Variants in STK3 observed in about 807,000 individuals in gnomAD.
STK3 encodes serine/threonine-protein kinase 3.
STK3 carries 41 observed loss-of-function variants against 58.0 expected under a neutral mutation model. The ratio of observed to expected loss-of-function variants is 0.71; its 90% confidence interval spans 0.55 to 0.92. The LOEUF is 0.92. STK3 is among the 40% of genes least tolerant of loss of function. The probability of loss-of-function intolerance (pLI) is 0.00; values close to 1 mark genes in which losing one functional copy is unlikely to be tolerated. For missense variants in STK3, 479 were observed against 602.7 expected, an observed-to-expected ratio of 0.79 and a Z score of 2.15; for synonymous variants, 170 against 191.0, an observed-to-expected ratio of 0.89 and a Z score of 0.91.
At chr8:98,762,270 T>C (rs1275569430) in intron 3 of STK3, among the ~76,000 whole-genome samples, 1 of 152,206 alleles carries the variant, frequency 6.6e-6, no homozygotes, top group Non-Finnish European at 1.5e-5. Context: ...TTTGTTTTGT[T>C]TTTGAGATGG....
intron 10 of STK3, among the ~76,000 whole-genome samples, chr8:98,500,818 G>A (rs1487410892): frequency 1.3e-5 from 2 of 152,094 alleles, no homozygotes; most frequent in South Asian, 2.1e-4. Flanking sequence ...AGTGATGGAC[G>A]TTTGGGTTGG....
intron 3 of STK3, chr8:98,429,440 C>T (rs1818297075): frequency 2.0e-6 from 3 of 1,517,806 alleles, no homozygotes; most frequent in Non-Finnish European, 1.8e-6. Context: ...CCCTCCACCC[C>T]ACATTGCTGA....
chr8:98,380,836 T>G (rs1817724413), intron 1 of STK3, among the ~76,000 whole-genome samples: 1 of 152,162 alleles, frequency 6.6e-6, no homozygotes, highest in Non-Finnish European at 1.5e-5. Context: ...CATTGGGTAT[T>G]CTTTATCATT....
chr8:98,827,843 C>G (rs1054350195), upstream of STK3, among the ~76,000 whole-genome samples: 6 of 152,048 alleles, frequency 3.9e-5, no homozygotes, highest in Non-Finnish European at 8.8e-5. Flanking sequence ...ATTAAAGATC[C>G]ACAGTCTGAC....
In STK3 at chr8:98,925,930, C is replaced by T. The variant is rs192619515; in HGVS notation, c.-79+16448G>A. Reference sequence around the variant, plus strand: ...ATCACAGGCTAAACTTGGCTCTGCTCAGCTCATATTAAAGTATGTAGCATC... The same window carrying T: ...ATCACAGGCTAAACTTGGCTCTGCTTAGCTCATATTAAAGTATGTAGCATC... On this transcript the variant is annotated intron_variant, in intron 1 of 1. Transcript: ENST00000519420. 1.5e-4 allele frequency among the ~76,000 whole-genome samples: 23 copies of T among 152,292 alleles called. No individual in the cohort carries two copies. The East Asian group carries it at 3.3e-3, about 22-fold the overall frequency.
At chr8:98,673,910 T>C (rs1823010296) in intron 6 of STK3, among the ~76,000 whole-genome samples, 1 of 152,358 alleles carries the variant, frequency 6.6e-6, no homozygotes, top group Non-Finnish European at 1.5e-5. Context: ...CTGGTAAATA[T>C]GTAGAATACT....
intron 6 of STK3, among the ~76,000 whole-genome samples, chr8:98,647,000 A>C (rs148986368): frequency 1.3e-5 from 2 of 152,264 alleles, no homozygotes; most frequent in Non-Finnish European, 2.9e-5. Flanking sequence ...TCTGCTGCTC[A>C]AGGCCTGCCA....
chr8:98,768,856 G>C (rs1344283672), intron 2 of STK3, among the ~76,000 whole-genome samples: 1 of 152,234 alleles, frequency 6.6e-6, no homozygotes, highest in African/African-American at 2.4e-5. Flanking sequence ...GATATGAAGT[G>C]CACAGCAGCT....
chr8:98,459,856 G>A (rs1819811556), intron 10 of STK3, among the ~76,000 whole-genome samples: 1 of 152,222 alleles, frequency 6.6e-6, no homozygotes, highest in African/African-American at 2.4e-5. Context: ...TTCAGAGGAT[G>A]TAATGGAAAT....
At chr8:98,807,207 T>C (rs1377389655) in intron 1 of STK3, among the ~76,000 whole-genome samples, 1 of 147,390 alleles carries the variant, frequency 6.8e-6, no homozygotes, top group Non-Finnish European at 1.5e-5. Flanking sequence ...GTTCTGAACA[T>C]AATGCCTTTA....
intron 4 of STK3, among the ~76,000 whole-genome samples, chr8:98,718,804 G>GT (rs1317471104): frequency 6.6e-6 from 1 of 151,890 alleles, no homozygotes; most frequent in Non-Finnish European, 1.5e-5. Flanking sequence ...ATTAATATGT[G>GT]TGATACATTA....
intron 3 of STK3, among the ~76,000 whole-genome samples, chr8:98,863,502 T>TCA (rs200490001): frequency 5.3e-5 from 8 of 151,582 alleles, no homozygotes; most frequent in East Asian, 1.9e-4. Flanking sequence ...ACACACATGC[T>TCA]CACACACACA....
chr8:98,457,141 T>C (rs1819554185), intron 10 of STK3, among the ~76,000 whole-genome samples: 1 of 152,236 alleles, frequency 6.6e-6, no homozygotes, highest in African/African-American at 2.4e-5. Flanking sequence ...CCCTGTTATT[T>C]TGTAGTCATA....
intron 10 of STK3, among the ~76,000 whole-genome samples, chr8:98,509,855 T>C (rs766364683): frequency 1.3e-5 from 2 of 152,048 alleles, no homozygotes; most frequent in African/African-American, 2.4e-5. Context: ...TGTGAAAATC[T>C]AATACTTTTC....
rs554199947 is a variant in STK3, at chr8:98,564,577, T to C, written c.948+15087A>G. 2.6e-5 allele frequency among the ~76,000 whole-genome samples: 4 copies of C among 152,262 alleles called. No individual in the cohort carries two copies. The East Asian group carries it at 7.7e-4, about 29-fold the overall frequency. ...GTGTTCTGTTGCATAGTACAGTGAC[T>C]GTGGTCAACAATACTGTATATTTCA... is the stretch of plus-strand genomic sequence containing the variant. On this transcript the variant is annotated intron_variant, in intron 8 of 10. Transcript: ENST00000419617.
At chr8:98,565,643 A>G (rs192398384) in intron 8 of STK3, among the ~76,000 whole-genome samples, 1 of 152,252 alleles carries the variant, frequency 6.6e-6, no homozygotes, top group African/African-American at 2.4e-5. Context: ...ATTCCCATAA[A>G]TTTGCTTTAT....
chr8:98,683,093 T>C (rs1823753009), intron 6 of STK3, among the ~76,000 whole-genome samples: 1 of 152,032 alleles, frequency 6.6e-6, no homozygotes. Flanking sequence ...AAAGCTACTA[T>C]ATCCTGAGGC....
intron 3 of STK3, among the ~76,000 whole-genome samples, chr8:98,861,660 A>T (rs1180490223): frequency 6.6e-6 from 1 of 152,042 alleles, no homozygotes; most frequent in African/African-American, 2.4e-5. Flanking sequence ...ATTTATTTGG[A>T]TATTTAGTCT....
intron 1 of STK3, among the ~76,000 whole-genome samples, chr8:98,382,046 T>C (rs1183892285): frequency 6.6e-6 from 1 of 152,186 alleles, no homozygotes; most frequent in East Asian, 1.9e-4. Context: ...TTTACCTCAC[T>C]CTAAAGGGGA....
Sources: allele counts gnomAD v4.1 joint callset (sites outside exome capture counted in the v4.1 genomes callset), GRCh38; gene constraint gnomAD v4.1.1; transcripts MANE v1.5; gene names NCBI Gene and HGNC (gene_info 2026-07-23, HGNC 2026-07-21).